Variants in ANO2 observed in about 807,000 individuals in gnomAD.
ANO2 encodes anoctamin-2.
Under a neutral mutation model 124.2 loss-of-function variants are expected in ANO2, and 101 were observed. The ratio of observed to expected loss-of-function variants is 0.81; its 90% CI spans 0.69 to 0.96. The LOEUF (loss-of-function observed/expected upper bound fraction) is 0.96, where lower values mean the gene tolerates loss of function less well. ANO2 is among the 40% of genes least tolerant of loss of function. ANO2 has a pLI of 0.00. For missense variants in ANO2, 1,293 were observed against 1,274.5 expected (o/e 1.01, Z -0.22); for synonymous variants, 486 against 482.5 (o/e 1.01, Z -0.09).
At chr12:5,727,635 C>CTTT (rs34307471) in intron 14 of ANO2, among the ~76,000 whole-genome samples, 31 of 64,208 alleles carry the variant, frequency 4.8e-4, no homozygotes, top group Admixed American at 6.7e-4. Context: ...TCACCACTTC[C>CTTT]TTTTTTTTTT....
Position 5,826,473 on chromosome 12 carries a change from T to C in ANO2, c.892+1296A>G, listed in dbSNP as rs1157434988. Among the ~76,000 whole-genome samples the C allele has an allele frequency of 4.4e-5, 5 of 112,528 alleles. No homozygotes were observed. In the East Asian group the frequency reaches 1.4e-3, roughly 31 times the overall value. 73.8% of individuals were successfully genotyped at this position (112,528 alleles called of 152,430 possible). A position where few individuals can be genotyped will look rare whatever the true frequency, so the allele number is the denominator to read the frequency against. The stretch of plus-strand genomic sequence containing the variant: ...ATATATATATATATATATATATATA[T>C]ATATCCTTGATATGTATATATAAAA... On this transcript the variant is annotated intron_variant, in intron 7 of 24. Transcript: ENST00000682330.
chr12:5,619,044 T>C (rs58306410), intron 16 of ANO2, among the ~76,000 whole-genome samples: 59 of 152,340 alleles, frequency 3.9e-4, no homozygotes, highest in African/African-American at 1.3e-3. Context: ...TACTGGTGCA[T>C]TACCAACAAC....
At chr12:5,674,613 C>G (rs1948149470) in intron 14 of ANO2, among the ~76,000 whole-genome samples, 1 of 152,206 alleles carries the variant, frequency 6.6e-6, no homozygotes, top group African/African-American at 2.4e-5. Context: ...AGGAAAAGCA[C>G]AGAATTCTGC....
intron 10 of ANO2, among the ~76,000 whole-genome samples, chr12:5,755,181 T>C (rs1951540994): frequency 6.6e-6 from 1 of 151,654 alleles, no homozygotes; most frequent in African/African-American, 2.4e-5. Context: ...TACTCTTGAT[T>C]GGCAGGTTTT....
intron 10 of ANO2, among the ~76,000 whole-genome samples, chr12:5,796,281 A>T (rs1227842966): frequency 6.6e-6 from 1 of 151,400 alleles, no homozygotes; most frequent in Non-Finnish European, 1.5e-5. Flanking sequence ...ACGCATGCAC[A>T]CACACTCATT....
chr12:5,763,459 T>C (rs919363707), intron 10 of ANO2, among the ~76,000 whole-genome samples: 8 of 152,110 alleles, frequency 5.3e-5, no homozygotes, highest in Non-Finnish European at 1.0e-4. Context: ...ATTTGTCTCC[T>C]GTTACCTGAT....
intron 4 of ANO2, chr12:5,839,734 C>A: frequency 2.4e-6 from 1 of 422,496 alleles, no homozygotes. Flanking sequence ...TCATTTCATC[C>A]ACGGTCCATA....
chr12:5,642,836 T>G (rs117604396), intron 15 of ANO2, among the ~76,000 whole-genome samples: 1 of 152,160 alleles, frequency 6.6e-6, no homozygotes, highest in Admixed American at 6.5e-5. Context: ...TGTGGCTCTT[T>G]CCTGCTGTCC....
chr12:5,895,522 C>T (rs1437852821), intron 3 of ANO2, among the ~76,000 whole-genome samples: 1 of 151,972 alleles, frequency 6.6e-6, no homozygotes, highest in African/African-American at 2.4e-5. Flanking sequence ...AGCCAACAAA[C>T]ATATGAAAAA....
In ANO2 at chr12:5,910,135, G is replaced by C. The variant is rs115846049; in HGVS notation, c.534+10905C>G. Among the ~76,000 whole-genome samples, 1,153 of 152,182 alleles carry C rather than the reference G, an allele frequency of 7.6e-3. 14 individuals are homozygous for C. Among genetic ancestry groups the C allele is most frequent in the African/African-American group, 0.026 (1,089 of 41,508 alleles). On this transcript the variant is annotated intron_variant, in intron 3 of 24. Coordinates refer to ENST00000682330, the MANE Select transcript of ANO2 (RefSeq NM_001364791.2). ...GTACAAATGAGTATAATTTGTTTTC[G>C]AGATTTGTGCAACAAATTTGATATG...
rs566124060 is a variant in ANO2, at chr12:5,694,787, G to T, written c.1545+37733C>A. Among the ~76,000 whole-genome samples, 5 of 152,128 alleles carry T rather than the reference G, an allele frequency of 3.3e-5. No individual in the cohort carries two copies. The East Asian group carries it at 9.7e-4, about 29-fold the overall frequency. ...TTTAACTAGCATTAATTTTCATGTG[G>T]GAGGCAGCATTGGTGGCAGGGCTGA... On this transcript the variant is annotated intron_variant, in intron 14 of 24. Coordinates refer to ENST00000682330, the MANE Select transcript of ANO2 (RefSeq NM_001364791.2).
chr12:5,655,603 C>T (rs1213873940), intron 14 of ANO2, among the ~76,000 whole-genome samples: 1 of 152,198 alleles, frequency 6.6e-6, no homozygotes, highest in Non-Finnish European at 1.5e-5. Flanking sequence ...TAAGAGCCAC[C>T]ATTTTTAAAT....
At chr12:5,642,010 TGA>T (rs1275970595) in intron 15 of ANO2, among the ~76,000 whole-genome samples, 1 of 152,178 alleles carries the variant, frequency 6.6e-6, no homozygotes, top group Non-Finnish European at 1.5e-5. Flanking sequence ...ATGATGACAT[TGA>T]TGATGACACA....
chr12:5,696,104 A>G (rs7958454), intron 14 of ANO2, among the ~76,000 whole-genome samples: 61,121 of 151,826 alleles, frequency 0.4, 13,209 homozygotes, highest in East Asian at 0.59. Flanking sequence ...AAAGAAAAAC[A>G]GAGTTCAGTC....
chr12:5,612,836 G>A (rs1851138006), intron 18 of ANO2, 65 bp downstream of exon 18: 4 of 1,607,332 alleles, frequency 2.5e-6, no homozygotes, highest in African/African-American at 1.3e-5. Flanking sequence ...AAGCCATGCT[G>A]TGCTGGAGAT....
chr12:5,724,489 CCA>C (rs1157699006), intron 14 of ANO2, among the ~76,000 whole-genome samples: 4 of 152,166 alleles, frequency 2.6e-5, no homozygotes, highest in African/African-American at 9.7e-5. Flanking sequence ...CCTTCTCCAC[CCA>C]CGCGCATGCT....
chr12:5,835,570 G>T (rs1954288974), intron 4 of ANO2, among the ~76,000 whole-genome samples: 1 of 152,314 alleles, frequency 6.6e-6, no homozygotes, highest in Middle Eastern at 3.4e-3. Flanking sequence ...AAAATATGTT[G>T]CAAAGCCAAG....
chr12:5,575,829 T>A lies in ANO2; in HGVS notation c.2621+5A>T, dbSNP rs376584820. On this transcript the variant is annotated splice_donor_5th_base_variant and intron_variant, in intron 23 of 24. Transcript: ENST00000682330. ...CTGCTGCCCTTCTCCTGAAGATTAC[T>A]TTACCTGCAGAACTGAACCTCCTGG... 20 of 1,613,208 alleles carry A rather than the reference T, an allele frequency of 1.2e-5. No individual in the cohort carries two copies. The highest frequency in any genetic ancestry group is 1.7e-5 in the Non-Finnish European group (20 of 1,179,494).
intron 7 of ANO2, among the ~76,000 whole-genome samples, chr12:5,818,669 C>T (rs938849905): frequency 6.6e-6 from 1 of 151,526 alleles, no homozygotes; most frequent in Non-Finnish European, 1.5e-5. Context: ...CCCCAAAATG[C>T]TAAGGACTCT....
Sources: allele counts gnomAD v4.1 joint callset (sites outside exome capture counted in the v4.1 genomes callset), GRCh38; gene constraint gnomAD v4.1.1; transcripts MANE v1.5; gene names NCBI Gene and HGNC (gene_info 2026-07-23, HGNC 2026-07-21).